The following EYS variants were observed in gnomAD, a reference collection of about 807,000 sequenced individuals.
The protein encoded by EYS is protein eyes shut homolog.
A neutral mutation model predicts 282.1 loss-of-function variants in EYS; 250 were observed. The observed-to-expected ratio is 0.89, with a 90% CI of 0.80 to 0.98. EYS has a LOEUF of 0.98. Ranked by LOEUF, EYS falls within the 50% of genes least tolerant of loss-of-function variation. The pLI is 0.00. For synonymous variants in EYS, 1,355 were observed against 1,282.9 expected (o/e 1.06, Z -1.20); for missense variants, 4,016 against 3,709.0 (o/e 1.08, Z -2.15).
intron 34 of EYS, among the ~76,000 whole-genome samples, chr6:63,995,254 C>A (rs561091313): frequency 6.6e-6 from 1 of 152,096 alleles, no homozygotes; most frequent in African/African-American, 2.4e-5. Flanking sequence ...CTTGAATAGA[C>A]ATTTTTCCAA....
chr6:65,085,603 A>C (rs542124549), intron 12 of EYS, among the ~76,000 whole-genome samples: 30 of 152,238 alleles, frequency 2.0e-4, no homozygotes, highest in African/African-American at 7.0e-4. Flanking sequence ...GCCCAGAAAA[A>C]TTCAAGGTAA....
intron 31 of EYS, among the ~76,000 whole-genome samples, chr6:64,115,175 A>G (rs1773335936): frequency 6.6e-6 from 1 of 152,236 alleles, no homozygotes; most frequent in African/African-American, 2.4e-5. Context: ...GTTGCTCTGC[A>G]CATGAGTATG....
intron 24 of EYS, among the ~76,000 whole-genome samples, chr6:64,594,196 A>G (rs1766500083): frequency 6.6e-6 from 1 of 152,174 alleles, no homozygotes; most frequent in African/African-American, 2.4e-5. Flanking sequence ...AAAAAGTTGT[A>G]TAAATGTCAG....
intron 31 of EYS, among the ~76,000 whole-genome samples, chr6:64,170,647 C>T (rs1372631179): frequency 2.0e-5 from 3 of 149,700 alleles, no homozygotes; most frequent in Non-Finnish European, 3.0e-5. Flanking sequence ...AAGAGGCATC[C>T]TAATCTAGTA....
intron 28 of EYS, among the ~76,000 whole-genome samples, chr6:64,416,423 A>C (rs1450910475): frequency 6.6e-6 from 1 of 151,836 alleles, no homozygotes; most frequent in Non-Finnish European, 1.5e-5. Context: ...GCAGTAAACC[A>C]CTCAATTTCT....
At chr6:63,803,798 G>A (rs1232744394) in intron 37 of EYS, among the ~76,000 whole-genome samples, 1 of 152,094 alleles carries the variant, frequency 6.6e-6, no homozygotes, top group Admixed American at 6.5e-5. Context: ...TCTATGTAAA[G>A]CTCCCATTCT....
intron 36 of EYS, among the ~76,000 whole-genome samples, chr6:63,833,804 A>T (rs1024450294): frequency 6.6e-6 from 1 of 152,222 alleles, no homozygotes; most frequent in Admixed American, 6.5e-5. Context: ...ACAGGACTTC[A>T]AACTATACTA....
At chr6:65,169,002 GCATTT>G in intron 12 of EYS, among the ~76,000 whole-genome samples, 1 of 151,346 alleles carries the variant, frequency 6.6e-6, no homozygotes, top group African/African-American at 2.4e-5. Context: ...CAATTGTTCA[GCATTT>G]TTAATTGTTC....
At chr6:64,698,907 G>T (rs1770680023) in intron 22 of EYS, among the ~76,000 whole-genome samples, 1 of 152,138 alleles carries the variant, frequency 6.6e-6, no homozygotes, top group Non-Finnish European at 1.5e-5. Context: ...ATTGTAGAAA[G>T]TGGTATGGTG....
At position 65,666,135 on chromosome 6, in the gene EYS, T is replaced by C. The variant is rs187960659; in HGVS notation, c.-447-26243A>G. ...TTTCTTTAAAACTAAGTCATTGGTG[T>C]CATGTTCATTTCCCTATAGCTAAGA... On this transcript the variant is annotated intron_variant, in intron 1 of 42. Coordinates refer to ENST00000503581, the MANE Select transcript of EYS (RefSeq NM_001142800.2). Among the ~76,000 whole-genome samples, 452 of 151,796 alleles carry C rather than the reference T, an allele frequency of 3.0e-3. 3 individuals are homozygous for C. The highest frequency in any genetic ancestry group is 0.01 in the African/African-American group (432 of 41,466).
At chr6:64,008,159 G>C (rs948529510) in intron 33 of EYS, among the ~76,000 whole-genome samples, 1 of 152,146 alleles carries the variant, frequency 6.6e-6, no homozygotes, top group Admixed American at 6.5e-5. Flanking sequence ...TCTGGGTCCT[G>C]TGATAGGTGC....
chr6:65,620,931 TTTCTG>T (rs1470118261), intron 2 of EYS, among the ~76,000 whole-genome samples: 1 of 152,222 alleles, frequency 6.6e-6, no homozygotes, highest in African/African-American at 2.4e-5. Flanking sequence ...TTTGTTATCA[TTTCTG>T]TTCTTTTACA....
intron 5 of EYS, among the ~76,000 whole-genome samples, chr6:65,421,910 A>G (rs1323126822): frequency 6.6e-6 from 1 of 151,918 alleles, no homozygotes; most frequent in Non-Finnish European, 1.5e-5. Flanking sequence ...CAATTACAAT[A>G]GTAACATCAA....
chr6:65,112,107 AGCATGCTTTCT>A (rs1400421853), intron 12 of EYS, among the ~76,000 whole-genome samples: 1 of 152,112 alleles, frequency 6.6e-6, no homozygotes, highest in Non-Finnish European at 1.5e-5. Context: ...TTTCCATCAT[AGCATGCTTTCT>A]CTGCAGTCAA....
chr6:65,087,946 C>T (rs145671532), intron 12 of EYS, among the ~76,000 whole-genome samples: 155 of 152,180 alleles, frequency 1.0e-3, no homozygotes, highest in African/African-American at 3.6e-3. Flanking sequence ...ATGCCGTTCT[C>T]GTGATTATGG....
At chr6:64,416,641 A>G (rs1458212706) in intron 28 of EYS, among the ~76,000 whole-genome samples, 1 of 151,712 alleles carries the variant, frequency 6.6e-6, no homozygotes, top group East Asian at 1.9e-4. Context: ...TTTATCACTC[A>G]CCATAGCTAA....
intron 40 of EYS, among the ~76,000 whole-genome samples, chr6:63,772,307 GTTCATACATTAA>G (rs1769951034): frequency 6.6e-6 from 1 of 151,970 alleles, no homozygotes; most frequent in Non-Finnish European, 1.5e-5. Context: ...TAAGTAATGA[GTTCATACATTAA>G]TTCCAGTTCA....
intron 28 of EYS, among the ~76,000 whole-genome samples, chr6:64,389,917 C>T (rs1773051698): frequency 6.6e-6 from 1 of 151,826 alleles, no homozygotes; most frequent in Admixed American, 6.6e-5. Context: ...TGGGTGTGCA[C>T]ACCGTGCGCC....
intron 2 of EYS, among the ~76,000 whole-genome samples, chr6:65,508,223 A>G (rs193079078): frequency 7.2e-5 from 11 of 152,248 alleles, no homozygotes; most frequent in Non-Finnish European, 1.0e-4. Flanking sequence ...TATGATTTGC[A>G]GCTTTCAACT....
Sources: gnomAD v4.1 joint callset for allele counts (sites outside exome capture counted in the v4.1 genomes callset) on GRCh38, gnomAD v4.1.1 for gene constraint, MANE v1.5 for transcripts, NCBI Gene and HGNC (gene_info 2026-07-23, HGNC 2026-07-21) for gene names.